MARCHF1: variants seen among roughly 807,000 people sequenced by gnomAD.
MARCHF1 encodes membrane associated ring-CH-type finger 1.
A neutral mutation model predicts 54.2 loss-of-function variants in MARCHF1; 40 were observed. The observed-to-expected ratio is 0.74, with a 90% confidence interval of 0.57 to 0.96. MARCHF1 has a LOEUF of 0.96. MARCHF1 is among the 40% of genes least tolerant of loss of function. MARCHF1 has a pLI of 0.00. For synonymous variants in MARCHF1, 236 were observed against 236.3 expected (o/e 1.00, Z 0.01); for missense variants, 586 against 656.5 (o/e 0.89, Z 1.17).
chr4:163,872,457 T>C (rs1338363058), intron 3 of MARCHF1, among the ~76,000 whole-genome samples: 1 of 152,222 alleles, frequency 6.6e-6, no homozygotes, highest in East Asian at 1.9e-4. Context: ...TGTGAGAAAT[T>C]TGAAAATCAT....
At chr4:163,935,916 A>G (rs2110735066) in intron 3 of MARCHF1, among the ~76,000 whole-genome samples, 1 of 152,238 alleles carries the variant, frequency 6.6e-6, no homozygotes. Flanking sequence ...CTTTCAGCCT[A>G]TGTCAACTTG....
intron 9 of MARCHF1, among the ~76,000 whole-genome samples, chr4:163,533,262 A>G (rs983105672): frequency 1.5e-4 from 23 of 152,018 alleles, no homozygotes. Context: ...AAAAAGCTAC[A>G]TACTGCGTGA....
At chr4:164,080,563 A>ATG (rs1755073864) in intron 2 of MARCHF1, among the ~76,000 whole-genome samples, 2 of 151,852 alleles carry the variant, frequency 1.3e-5, no homozygotes, top group Non-Finnish European at 2.9e-5. Context: ...CTCTTCCTTC[A>ATG]TTATTTTTGG....
chr4:163,552,771 G>C (rs1358397205), intron 8 of MARCHF1, among the ~76,000 whole-genome samples: 5 of 151,914 alleles, frequency 3.3e-5, no homozygotes, highest in Non-Finnish European at 1.5e-5. Context: ...CGGTGGCTCA[G>C]GCCTGTAATC....
chr4:164,256,345 G>A (rs1246573409), intron 1 of MARCHF1, among the ~76,000 whole-genome samples: 1 of 149,326 alleles, frequency 6.7e-6, no homozygotes, highest in Non-Finnish European at 1.5e-5. Context: ...CCAAAGTGGT[G>A]CTCAGAATAA....
intron 1 of MARCHF1, among the ~76,000 whole-genome samples, chr4:164,280,313 C>T (rs944682743): frequency 4.0e-5 from 6 of 151,846 alleles, no homozygotes; most frequent in African/African-American, 1.2e-4. Context: ...CATCTTCAAA[C>T]GGTGAACTCT....
chr4:164,139,785 T>C (rs1306526512), intron 1 of MARCHF1, among the ~76,000 whole-genome samples: 1 of 152,178 alleles, frequency 6.6e-6, no homozygotes, highest in Non-Finnish European at 1.5e-5. Context: ...ATAAAACATG[T>C]ATATTTAATG....
chr4:164,110,368 T>C (rs1755808784), intron 2 of MARCHF1, among the ~76,000 whole-genome samples: 1 of 152,008 alleles, frequency 6.6e-6, no homozygotes, highest in Non-Finnish European at 1.5e-5. Context: ...TCACAATATA[T>C]GTTAAAATTT....
chr4:164,163,827 C>T (rs1235555280), intron 1 of MARCHF1, among the ~76,000 whole-genome samples: 1 of 151,892 alleles, frequency 6.6e-6, no homozygotes, highest in Non-Finnish European at 1.5e-5. Context: ...CCAAGACAGA[C>T]TCTATTCTGG....
chr4:163,982,864 T>G (rs1274183257), intron 3 of MARCHF1, among the ~76,000 whole-genome samples: 1 of 152,122 alleles, frequency 6.6e-6, no homozygotes, highest in African/African-American at 2.4e-5. Flanking sequence ...CAAAAAGGTG[T>G]CTCTTCCCAA....
chr4:164,281,475 TA>T (rs1307749385), intron 1 of MARCHF1, among the ~76,000 whole-genome samples: 10 of 152,220 alleles, frequency 6.6e-5, no homozygotes, highest in Admixed American at 5.9e-4. Context: ...TGATGTTAGT[TA>T]AAGTTGAATC....
chr4:164,014,846 C>T (rs1753502499), intron 2 of MARCHF1, among the ~76,000 whole-genome samples: 1 of 152,042 alleles, frequency 6.6e-6, no homozygotes, highest in Non-Finnish European at 1.5e-5. Context: ...TATAAATATA[C>T]ATGTATCCAA....
intron 4 of MARCHF1, among the ~76,000 whole-genome samples, chr4:163,737,954 G>GGTGT: frequency 1.3e-5 from 1 of 76,462 alleles, no homozygotes; most frequent in Admixed American, 1.3e-4. Context: ...AAAGACACAT[G>GGTGT]CACACGTATG....
chr4:163,611,522 T>G (rs1031210917), intron 7 of MARCHF1, among the ~76,000 whole-genome samples: 3 of 152,104 alleles, frequency 2.0e-5, no homozygotes, highest in African/African-American at 7.2e-5. Flanking sequence ...AATATGAAAA[T>G]GTACAAATAT....
intron 4 of MARCHF1, among the ~76,000 whole-genome samples, chr4:163,770,265 T>C (rs1747116895): frequency 6.6e-6 from 1 of 152,154 alleles, no homozygotes; most frequent in Admixed American, 6.6e-5. Context: ...TTCCACATTG[T>C]TCAAGAGTCA....
At chr4:164,126,856 G>C (rs138857214) in intron 1 of MARCHF1, among the ~76,000 whole-genome samples, 5 of 152,156 alleles carry the variant, frequency 3.3e-5, no homozygotes, top group Non-Finnish European at 7.3e-5. Flanking sequence ...AGGAGCTCAA[G>C]ACCAGCCTGA....
At chr4:163,679,373 C>G (rs900354388) in intron 5 of MARCHF1, among the ~76,000 whole-genome samples, 1 of 152,132 alleles carries the variant, frequency 6.6e-6, no homozygotes, top group Non-Finnish European at 1.5e-5. Flanking sequence ...CCTACTGCCA[C>G]TTAACGCTTT....
chr4:163,896,164 T>A (rs1485173461), intron 3 of MARCHF1, among the ~76,000 whole-genome samples: 1 of 152,188 alleles, frequency 6.6e-6, no homozygotes, highest in Non-Finnish European at 1.5e-5. Flanking sequence ...CAAAAAAGAA[T>A]AAAAATAATT....
chr4:164,251,276 A>C (rs909768038), intron 1 of MARCHF1, among the ~76,000 whole-genome samples: 1 of 152,290 alleles, frequency 6.6e-6, no homozygotes, highest in East Asian at 1.9e-4. Context: ...CATTTTATAC[A>C]CAGAACATAT....
Sources: gnomAD v4.1 joint callset for allele counts (sites outside exome capture counted in the v4.1 genomes callset) on GRCh38, gnomAD v4.1.1 for gene constraint, MANE v1.5 for transcripts, NCBI Gene and HGNC (gene_info 2026-07-23, HGNC 2026-07-21) for gene names.